MRNIP: variants seen among roughly 807,000 people sequenced by gnomAD.
MRNIP encodes MRN complex interacting protein.
Under a neutral mutation model 29.8 loss-of-function variants are expected in MRNIP, and 30 were observed. The observed-to-expected ratio is 1.01, with a 90% CI of 0.75 to 1.36. The LOEUF (loss-of-function observed/expected upper bound fraction) is 1.36, where lower values mean the gene tolerates loss of function less well. MRNIP is among the 40% of genes most tolerant of loss of function. The pLI is 0.00. For missense variants in MRNIP, 459 were observed against 423.5 expected (o/e 1.08, Z -0.74); for synonymous variants, 201 against 164.1 (o/e 1.23, Z -1.72).
chr5:179,850,708 G>A (rs760762333), intron 2 of MRNIP, among the ~76,000 whole-genome samples: 3 of 152,184 alleles, frequency 2.0e-5, no homozygotes, highest in Non-Finnish European at 2.9e-5. Flanking sequence ...AACCAGTAGC[G>A]GTGTGCTCTT....
At chr5:179,851,244 T>A (rs1408163259) in intron 2 of MRNIP, 6 of 455,804 alleles carry the variant, frequency 1.3e-5, no homozygotes, top group African/African-American at 1.2e-4. Flanking sequence ...TCTGCCTACC[T>A]GGTAAGCCAG....
At chr5:179,841,749 G>A in intron 5 of MRNIP, 158 bp downstream of exon 5, 7 of 752,616 alleles carry the variant, frequency 9.3e-6, no homozygotes. Flanking sequence ...GTGGGCTGTG[G>A]GGCCAGCAGT....
At chr5:179,838,285 T>A (rs1445072757) in intron 6 of MRNIP, 2 of 247,212 alleles carry the variant, frequency 8.1e-6, no homozygotes, top group Non-Finnish European at 1.6e-5. Flanking sequence ...GCCTGCCGGG[T>A]TCTGCAGCTG....
chr5:179,838,088 A>T (rs528533127), intron 6 of MRNIP: 5 of 596,606 alleles, frequency 8.4e-6, no homozygotes, highest in Non-Finnish European at 1.5e-5. Context: ...ACCTTCTGCT[A>T]AATTGCATGA....
At chr5:179,849,097 C>T (rs1478109964) in intron 2 of MRNIP, among the ~76,000 whole-genome samples, 2 of 144,430 alleles carry the variant, frequency 1.4e-5, no homozygotes, top group Admixed American at 6.9e-5. Flanking sequence ...GCAGATGGTA[C>T]GAGACGGAAT....
chr5:179,847,076 C>T (rs1050751178), intron 3 of MRNIP: 1 of 150,358 alleles, frequency 6.7e-6, no homozygotes, highest in Non-Finnish European at 1.5e-5. Context: ...TGTATACCAA[C>T]GTTAGTGACA....
chr5:179,849,325 G>A (rs1759258781), intron 2 of MRNIP, among the ~76,000 whole-genome samples: 1 of 151,836 alleles, frequency 6.6e-6, no homozygotes, highest in South Asian at 2.1e-4. Context: ...CATGGGTCCT[G>A]CTATGGCACA....
chr5:179,848,953 G>A (rs891207616), intron 2 of MRNIP, among the ~76,000 whole-genome samples: 1 of 152,214 alleles, frequency 6.6e-6, no homozygotes, highest in South Asian at 2.1e-4. Context: ...GGTACGAGAC[G>A]GAATTTGAGA....
At chr5:179,841,882 G>A (rs369523931) in intron 5 of MRNIP, 25 bp downstream of exon 5, 71 of 1,610,822 alleles carry the variant, frequency 4.4e-5, no homozygotes, top group Non-Finnish European at 5.9e-5. Flanking sequence ...CTGGGCCAGG[G>A]CTGGAACGGA....
chr5:179,848,001 TC>T lies in MRNIP; in HGVS notation c.191del (p.Gly64AspfsTer11), dbSNP rs1759202579. 1.2e-6 allele frequency: 2 copies of T among 1,613,066 alleles called. No individual in the cohort carries two copies. The highest frequency in any genetic ancestry group is 1.7e-6 in the Non-Finnish European group (2 of 1,179,468). ...RHVQKLNLLQGQVSELPLRSL... is the reference protein window; with the variant it reads ...RHVQKLNLLQXQVSELPLRSL... ...ACCTGAGTGGCAGCTCTGAAACTTG[TC>T]CCTGTAGTAGATTTAACTTTTGGAC... On this transcript the variant is annotated frameshift_variant, in exon 3 of 7. Transcript: ENST00000292586. LOFTEE classifies it high-confidence loss of function.
At chr5:179,848,475 A>G (rs961873475) in intron 2 of MRNIP, among the ~76,000 whole-genome samples, 1 of 152,238 alleles carries the variant, frequency 6.6e-6, no homozygotes, top group African/African-American at 2.4e-5. Context: ...AAAATAAAAT[A>G]CATTTTTTCC....
In MRNIP at chr5:179,858,789, G is replaced by T. The variant is rs562422912; in HGVS notation, c.8C>A (p.Ser3Ter). The T allele has an allele frequency of 9.1e-6, 14 of 1,540,446 alleles. No homozygotes were observed. Among genetic ancestry groups the T allele is most frequent in the African/African-American group, 6.9e-5 (5 of 72,858 alleles). The change falls in exon 1 of 7, where the codon TCG becomes TAG. Residue 3 changes from serine to a stop codon, truncating the protein, a stop_gained. Transcript: ENST00000292586. LOFTEE classifies it high-confidence loss of function. ...GCGTAGCACCCGAGAACGCTGAAGC[G>T]ACGCCATCCCTGCTTGTGCAGTCGC... MA[S>*]LQRSRVLRCC...
intron 1 of MRNIP, among the ~76,000 whole-genome samples, chr5:179,854,181 T>G (rs1319876062): frequency 1.3e-5 from 2 of 151,914 alleles, no homozygotes; most frequent in Non-Finnish European, 2.9e-5. Flanking sequence ...CCACCACGCC[T>G]GGCTAATTTT....
At chr5:179,851,749 T>C (rs988126535) in intron 2 of MRNIP, among the ~76,000 whole-genome samples, 16 of 152,032 alleles carry the variant, frequency 1.1e-4, no homozygotes, top group East Asian at 7.7e-4. Flanking sequence ...GAGGCCAAGG[T>C]GGGCAGATCA....
intron 4 of MRNIP, among the ~76,000 whole-genome samples, chr5:179,842,838 G>A (rs1227897841): frequency 6.7e-6 from 1 of 149,674 alleles, no homozygotes; most frequent in Non-Finnish European, 1.5e-5. Flanking sequence ...TTCAAGACTA[G>A]CCTAGGCAAC....
chr5:179,854,545 G>T (rs1203581632), intron 1 of MRNIP, among the ~76,000 whole-genome samples: 1 of 152,150 alleles, frequency 6.6e-6, no homozygotes, highest in African/African-American at 2.4e-5. Flanking sequence ...AGCGACGAGG[G>T]AGGCCAAGAC....
chr5:179,840,755 G>T, intron 6 of MRNIP, 117 bp downstream of exon 6: 1 of 790,928 alleles, frequency 1.3e-6, no homozygotes. Flanking sequence ...ACCCGGGTGG[G>T]AAGATGGGCT....
chr5:179,839,267 A>C (rs1453009027), intron 6 of MRNIP: 1 of 151,670 alleles, frequency 6.6e-6, no homozygotes, highest in Non-Finnish European at 1.5e-5. Flanking sequence ...AAAAAAAAAA[A>C]CAACAGTTGG....
intron 2 of MRNIP, 109 bp downstream of exon 2, chr5:179,853,269 G>A: frequency 1.9e-6 from 3 of 1,594,764 alleles, no homozygotes; most frequent in Non-Finnish European, 2.6e-6. Flanking sequence ...CTCCGTGTCT[G>A]GGGAACTCTG....
Sources: allele counts gnomAD v4.1 joint callset (sites outside exome capture counted in the v4.1 genomes callset), GRCh38; gene constraint gnomAD v4.1.1; transcripts MANE v1.5; gene names NCBI Gene and HGNC (gene_info 2026-07-23, HGNC 2026-07-21).